SUGCT: variants seen among roughly 807,000 people sequenced by gnomAD.
SUGCT encodes succinyl-CoA:glutarate-CoA transferase.
Under a neutral mutation model 55.0 loss-of-function variants are expected in SUGCT, and 41 were observed. The ratio of observed to expected loss-of-function variants is 0.74; its 90% CI spans 0.58 to 0.97. The LOEUF is 0.97. Among genes scored for constraint, SUGCT ranks in the 50% least tolerant of loss-of-function variants. The probability of loss-of-function intolerance (pLI) is 0.00; values close to 1 mark genes in which losing one functional copy is unlikely to be tolerated. For missense variants in SUGCT, 568 were observed against 547.8 expected, an observed-to-expected ratio of 1.04 and a Z score of -0.37; for synonymous variants, 187 against 200.4, an observed-to-expected ratio of 0.93 and a Z score of 0.56.
At chr7:40,416,531 A>AT (rs1787009963) in intron 9 of SUGCT, among the ~76,000 whole-genome samples, 1 of 151,846 alleles carries the variant, frequency 6.6e-6, no homozygotes, top group South Asian at 2.1e-4. Flanking sequence ...GAAATCATAG[A>AT]TATATAGAGA....
the SUGCT span, among the ~76,000 whole-genome samples, chr7:40,984,738 G>A: frequency 2.6e-5 from 4 of 152,084 alleles, no homozygotes; most frequent in African/African-American, 9.7e-5. Flanking sequence ...GGACAATGTC[G>A]GTGGAAACAT....
At chr7:40,169,578 A>G (rs1220088862) in intron 1 of SUGCT, among the ~76,000 whole-genome samples, 1 of 152,134 alleles carries the variant, frequency 6.6e-6, no homozygotes, top group Non-Finnish European at 1.5e-5. Context: ...CATAATAGAC[A>G]TGGACGAAGG....
chr7:40,965,605 T>G, the SUGCT span: 1 of 152,238 alleles, frequency 6.6e-6, no homozygotes, highest in African/African-American at 2.4e-5. Flanking sequence ...TATATGATGT[T>G]TCTTTTAAAG....
At chr7:40,630,306 G>A (rs945973270) in intron 12 of SUGCT, among the ~76,000 whole-genome samples, 1 of 152,138 alleles carries the variant, frequency 6.6e-6, no homozygotes, top group African/African-American at 2.4e-5. Context: ...CCTGCTTCCC[G>A]TTGACCCTCT....
At chr7:40,761,373 C>T (rs1788523986) in intron 13 of SUGCT, among the ~76,000 whole-genome samples, 1 of 152,176 alleles carries the variant, frequency 6.6e-6, no homozygotes, top group African/African-American at 2.4e-5. Context: ...GAAAATAATG[C>T]AGAGGTCATA....
chr7:40,417,881 T>C (rs1787095554), intron 9 of SUGCT, among the ~76,000 whole-genome samples: 2 of 124,160 alleles, frequency 1.6e-5, no homozygotes, highest in South Asian at 7.3e-4. Context: ...TTGCTTTATT[T>C]ATTACACTTA....
chr7:40,665,981 A>C (rs1024258942), intron 12 of SUGCT, among the ~76,000 whole-genome samples: 4 of 152,162 alleles, frequency 2.6e-5, no homozygotes, highest in African/African-American at 9.7e-5. Flanking sequence ...GCCTCTGTAT[A>C]GGGTAGAGAG....
At chr7:40,849,605 GC>G (rs1435323365) in intron 13 of SUGCT, among the ~76,000 whole-genome samples, 1 of 152,200 alleles carries the variant, frequency 6.6e-6, no homozygotes, top group Non-Finnish European at 1.5e-5. Flanking sequence ...TAGAAATGTA[GC>G]TTGAACCTGT....
intron 10 of SUGCT, 93 bp downstream of exon 10, chr7:40,449,451 T>A (rs1281564268): frequency 2.5e-6 from 2 of 813,308 alleles, no homozygotes; most frequent in Non-Finnish European, 4.2e-6. Flanking sequence ...AGGCCCCCTG[T>A]GTTAGCAACT....
chr7:40,595,206 G>A (rs1212346721), intron 12 of SUGCT, among the ~76,000 whole-genome samples: 1 of 152,090 alleles, frequency 6.6e-6, no homozygotes, highest in Non-Finnish European at 1.5e-5. Context: ...TGATGAAAAT[G>A]CCCCCCACTT....
the SUGCT span, among the ~76,000 whole-genome samples, chr7:40,982,099 C>A: frequency 6.6e-6 from 1 of 151,576 alleles, no homozygotes; most frequent in African/African-American, 2.4e-5. Context: ...TAAAATCAAC[C>A]TCACAGAATT....
chr7:40,235,340 T>C (rs1033602501), intron 6 of SUGCT, among the ~76,000 whole-genome samples: 19 of 152,176 alleles, frequency 1.2e-4, no homozygotes, highest in African/African-American at 4.1e-4. Context: ...GTTATTTTTA[T>C]TTTTTGAGAC....
At chr7:40,406,140 T>C (rs1394421991) in intron 9 of SUGCT, among the ~76,000 whole-genome samples, 1 of 152,084 alleles carries the variant, frequency 6.6e-6, no homozygotes, top group African/African-American at 2.4e-5. Flanking sequence ...GATAAAATCA[T>C]AGGGAGCTGA....
intron 13 of SUGCT, among the ~76,000 whole-genome samples, chr7:40,757,679 A>C (rs1181915356): frequency 1.3e-5 from 2 of 152,156 alleles, no homozygotes; most frequent in Admixed American, 1.3e-4. Flanking sequence ...GATCCTTGAG[A>C]TTAGAGGTAT....
At chr7:40,717,734 G>A (rs1026941369) in intron 12 of SUGCT, among the ~76,000 whole-genome samples, 1 of 152,150 alleles carries the variant, frequency 6.6e-6, no homozygotes, top group African/African-American at 2.4e-5. Context: ...TACAAATAAC[G>A]CTGTAGATGA....
At chr7:41,025,728 A>G in the SUGCT span, among the ~76,000 whole-genome samples, 4 of 152,180 alleles carry the variant, frequency 2.6e-5, no homozygotes, top group Non-Finnish European at 5.9e-5. Flanking sequence ...AAATAAAATG[A>G]GTTATGAATA....
the SUGCT span, among the ~76,000 whole-genome samples, chr7:40,930,894 C>T: frequency 1.4e-4 from 22 of 152,136 alleles, no homozygotes; most frequent in Non-Finnish European, 2.6e-4. Flanking sequence ...TCCTCTTTTC[C>T]TAAATGAATG....
chr7:40,501,039 T>A (rs1006258025), intron 12 of SUGCT, among the ~76,000 whole-genome samples: 3 of 152,196 alleles, frequency 2.0e-5, no homozygotes, highest in African/African-American at 7.2e-5. Context: ...TATTCTTGTT[T>A]CTAATACTGC....
At chr7:40,727,951 T>C (rs1173162688) in intron 12 of SUGCT, among the ~76,000 whole-genome samples, 1 of 152,180 alleles carries the variant, frequency 6.6e-6, no homozygotes, top group Non-Finnish European at 1.5e-5. Context: ...ATCTGTGTTA[T>C]TATTTATTTA....
Sources: gnomAD v4.1 joint callset for allele counts (sites outside exome capture counted in the v4.1 genomes callset) on GRCh38, gnomAD v4.1.1 for gene constraint, MANE v1.5 for transcripts, NCBI Gene and HGNC (gene_info 2026-07-23, HGNC 2026-07-21) for gene names.